The following TCHH variants were observed in gnomAD, a reference collection of about 807,000 sequenced individuals.
The protein encoded by TCHH is trichohyalin.
In TCHH, 6 loss-of-function variants were observed where a neutral mutation model predicts 6.3. That is an observed-to-expected ratio of 0.95 (90% CI 0.52 to 1.88). The LOEUF is 1.88. Among genes scored for constraint, TCHH ranks in the 40% most tolerant of loss-of-function variants. The probability of loss-of-function intolerance (pLI) is 0.01; values close to 1 mark genes in which losing one functional copy is unlikely to be tolerated. For synonymous variants in TCHH, 1,087 were observed against 963.6 expected, an observed-to-expected ratio of 1.13 and a Z score of -2.37; for missense variants, 2,920 against 2,449.1, an observed-to-expected ratio of 1.19 and a Z score of -4.06.
rs779871023 is a variant in TCHH at position 152,112,636 on chromosome 1, T to C, written c.581A>G (p.Gln194Arg). The change falls in exon 3 of 3, where the codon CAG (glutamine) becomes CGG (arginine). Residue 194 changes from glutamine (Q) to arginine (R), a missense_variant. Coordinates refer to ENST00000614923, the MANE Select transcript of TCHH (RefSeq NM_007113.4). The stretch of plus-strand genomic sequence containing the variant: ...CTCAGTTTCGTGACCTTTGCAACTC[T>C]GCAGCTGCTCTTCCTCTGCACGGCG... Reference protein sequence around the residue: ...EERRAEEEQLQSCKGHETEEF... With the variant: ...EERRAEEEQLRSCKGHETEEF... 9.3e-6 allele frequency: 15 copies of C among 1,613,710 alleles called. No individual in the cohort carries two copies. The highest frequency in any genetic ancestry group is 1.3e-5 in the African/African-American group (1 of 74,852).
chr1:152,113,235 A>C (rs955506586), intron 2 of TCHH, among the ~76,000 whole-genome samples, 157 bp from the exon 3 acceptor site: 1 of 152,216 alleles, frequency 6.6e-6, no homozygotes. Flanking sequence ...TCCCCATGTA[A>C]AATGTGAACC....
Position 152,110,590 on chromosome 1 carries a change from C to T in TCHH, c.2627G>A (p.Trp876Ter), listed in dbSNP as rs1227706537. The T allele has an allele frequency of 6.2e-7, 1 of 1,614,044 alleles. No individual in the cohort carries two copies. Among genetic ancestry groups the T allele is most frequent in the East Asian group, 2.2e-5 (1 of 44,888 alleles). ...TCTCTTCCTTTCTTCTTCTAGTTGC[C>T]ACCTCCATTTTTGGTCGCGGCGCTG... ...QEQRRDQKWR[W>*]QLEEERKRRR... The change falls in exon 3 of 3, where the codon TGG becomes TAG. Residue 876 changes from tryptophan (W) to a stop codon, truncating the protein, a stop_gained. Coordinates refer to ENST00000614923, the MANE Select transcript of TCHH (RefSeq NM_007113.4). LOFTEE classifies it low-confidence loss of function (END_TRUNC).
Position 152,109,407 on chromosome 1 carries a change from C to T in TCHH, c.3810G>A (p.Leu1270=). 1.2e-6 allele frequency: 2 copies of T among 1,614,220 alleles called. No individual in the cohort carries two copies. The highest frequency in any genetic ancestry group is 1.7e-6 in the Non-Finnish European group (2 of 1,180,000). The change falls in exon 3 of 3, where the codon CTG becomes CTA. Residue 1270 remains leucine, a synonymous_variant. Coordinates refer to ENST00000614923, the MANE Select transcript of TCHH (RefSeq NM_007113.4). Reference sequence around the variant, plus strand: ...GATCTCGCTCTTGCTGTTCACCCAGCAGGTGCTGCAGATCTTGCTGGGATT... The same window carrying T: ...GATCTCGCTCTTGCTGTTCACCCAGTAGGTGCTGCAGATCTTGCTGGGATT... ...DRQSQQDLQH[L]LGEQQERDRE...
chr1:152,110,477 G>C lies in TCHH; in HGVS notation c.2740C>G (p.Gln914Glu), dbSNP rs1215993276. Reference sequence around the variant, plus strand: ...CTTCTCTTCTCGCGCTCCTCTCTCTGTAGCTCCTCCTCCTCCTCCTGCAGC... The same window carrying C: ...CTTCTCTTCTCGCGCTCCTCTCTCTCTAGCTCCTCCTCCTCCTCCTGCAGC... ...QLLQEEEEELQREEREKRRRQ... is the reference protein window; with the variant it reads ...QLLQEEEEELEREEREKRRRQ... The change falls in exon 3 of 3, where the codon CAG (glutamine) becomes GAG (glutamate). Residue 914 changes from glutamine (Q) to glutamate (E), a missense_variant. By Grantham distance (29) the Gln-to-Glu change is conservative. Coordinates refer to ENST00000614923, the MANE Select transcript of TCHH (RefSeq NM_007113.4). 21 of 1,614,042 alleles carry C rather than the reference G, an allele frequency of 1.3e-5. No individual in the cohort carries two copies. The highest frequency in any genetic ancestry group is 3.3e-4 in the Middle Eastern group (2 of 6,062).
At position 152,107,570 on chromosome 1, in the gene TCHH, CTTCCCGTAATTTCCT is replaced by C; in HGVS notation, c.5632_5646del (p.Arg1878_Glu1882del). On this transcript the variant is annotated inframe_deletion, in exon 3 of 3. Transcript: ENST00000614923. ...TCCTTCTGCTGGCGGCGGATGTGTT[CTTCCCGTAATTTCCT>C]TTCCCGTTCCTGGCGACGTTTCTGC... The C allele has an allele frequency of 6.2e-7, 1 of 1,614,052 alleles. No homozygotes were observed. Among genetic ancestry groups the C allele is most frequent in the Non-Finnish European group, 8.5e-7 (1 of 1,179,992 alleles).
rs1298090051 is a variant in TCHH at position 152,110,147 on chromosome 1, C to CT, written c.3069dup (p.Asp1024ArgfsTer194). On this transcript the variant is annotated frameshift_variant, in exon 3 of 3. Transcript: ENST00000614923. LOFTEE classifies it low-confidence loss of function (END_TRUNC). The stretch of plus-strand genomic sequence containing the variant: ...TGCTCTTCTTCCTGCTGCAGCTCGT[C>CT]TTTTTTGCGGTACTGCCTCTCCCAC... 3 of 1,607,694 alleles carry CT rather than the reference C, an allele frequency of 1.9e-6. No individual in the cohort carries two copies. The highest frequency in any genetic ancestry group is 1.1e-5 in the South Asian group (1 of 90,556).
At position 152,108,350 on chromosome 1, in the gene TCHH, C is replaced by G; in HGVS notation, c.4867G>C (p.Glu1623Gln). Residue 1623 changes from glutamate to glutamine, a missense_variant, in exon 3 of 3, where the codon GAA (glutamate) becomes CAA (glutamine). Physicochemically the swap from Glu to Gln is conservative, Grantham distance 29. Transcript: ENST00000614923. ...CTTTCCTGGAGCAGCTGTTCGTCTTCGCGGAATTTTCTGTCGCGCTCCTGG... is the reference window on the plus strand; with the variant it reads ...CTTTCCTGGAGCAGCTGTTCGTCTTGGCGGAATTTTCTGTCGCGCTCCTGG... Reference protein sequence around the residue: ...LRQERDRKFREDEQLLQEREE... With the variant: ...LRQERDRKFRQDEQLLQEREE... 1 of 1,606,592 alleles carries G rather than the reference C, an allele frequency of 6.2e-7. No individual in the cohort carries two copies. Among genetic ancestry groups the G allele is most frequent in the East Asian group, 2.3e-5 (1 of 44,334 alleles).
rs1658164493 is a variant in TCHH at position 152,107,989 on chromosome 1, T to C, written c.5228A>G (p.Gln1743Arg). The change falls in exon 3 of 3, where the codon CAA becomes CGA. Residue 1743 changes from glutamine to arginine, a missense_variant. By Grantham distance (43) the Gln-to-Arg change is conservative. Transcript: ENST00000614923. ...CTCTAGGATTTTTCTGTAGCGTTCT[T>C]GGCGGCGCAGCTGCTCTTGCTCCGT... is the stretch of plus-strand genomic sequence containing the variant. ...QETEQEQLRR[Q>R]ERYRKILEEE... is the part of the protein sequence containing the mutation. The C allele has an allele frequency of 5.6e-6, 9 of 1,613,356 alleles. No individual in the cohort carries two copies. The highest frequency in any genetic ancestry group is 1.7e-5 in the Admixed American group (1 of 59,950).
chr1:152,109,495 T>G lies in TCHH; in HGVS notation c.3722A>C (p.Tyr1241Ser). 1.2e-6 allele frequency: 2 copies of G among 1,614,284 alleles called. No homozygotes were observed. Among genetic ancestry groups the G allele is most frequent in the Non-Finnish European group, 1.7e-6 (2 of 1,180,056 alleles). Residue 1241 changes from tyrosine to serine, a missense_variant, in exon 3 of 3, where the codon TAC (tyrosine) becomes TCC (serine). Transcript: ENST00000614923. ...KENAVRDNKVYCKGRENEQFR... is the reference protein window; with the variant it reads ...KENAVRDNKVSCKGRENEQFR... ...CTGTTCATTCTCTCTGCCTTTGCAGTAAACCTTGTTATCACGAACTGCATT... is the reference window on the plus strand; with the variant it reads ...CTGTTCATTCTCTCTGCCTTTGCAGGAAACCTTGTTATCACGAACTGCATT...
chr1:152,109,400 C>G lies in TCHH; in HGVS notation c.3817G>C (p.Glu1273Gln). Reference protein sequence around the residue: ...SQQDLQHLLGEQQERDREQER... With the variant: ...SQQDLQHLLGQQQERDREQER... ...TGCTCACGATCTCGCTCTTGCTGTT[C>G]ACCCAGCAGGTGCTGCAGATCTTGC... The change falls in exon 3 of 3, where the codon GAA becomes CAA. Residue 1273 changes from glutamate to glutamine, a missense_variant. By Grantham distance (29) the Glu-to-Gln change is conservative. Coordinates refer to ENST00000614923, the MANE Select transcript of TCHH (RefSeq NM_007113.4). 1 of 1,614,236 alleles carries G rather than the reference C, an allele frequency of 6.2e-7. No homozygotes were observed.
In TCHH at chr1:152,108,794, C is replaced by A. The variant is rs1309520705; in HGVS notation, c.4423G>T (p.Glu1475Ter). Residue 1475 changes from glutamate to a stop codon, truncating the protein, a stop_gained, in exon 3 of 3, where the codon GAA becomes TAA. Transcript: ENST00000614923. LOFTEE classifies it low-confidence loss of function (END_TRUNC). ...CGCTCTTGGCGGTGCAGCTGCTGTT[C>A]TTCCCTTTCCTGGAGCAGCTGTTCC... The part of the protein sequence containing the change: ...EEEQLLQERE[E>*]QQLHRQERDR... The A allele has an allele frequency of 6.2e-7, 1 of 1,613,004 alleles. No homozygotes were observed. Among genetic ancestry groups the A allele is most frequent in the African/African-American group, 1.3e-5 (1 of 74,606 alleles).
rs766815559 is a variant in TCHH at position 152,112,594 on chromosome 1, T to C, written c.623A>G (p.Glu208Gly). The C allele has an allele frequency of 2.5e-6, 4 of 1,613,668 alleles. No individual in the cohort carries two copies. In the Admixed American group the frequency reaches 6.7e-5, roughly 27 times the overall value. Reference protein sequence around the residue: ...GHETEEFPDEEQLRRRELLEL... With the variant: ...GHETEEFPDEGQLRRRELLEL... The stretch of plus-strand genomic sequence containing the variant: ...CAGCAGCTCCCGCCTTCGCAGTTGC[T>C]CTTCGTCTGGAAACTCCTCAGTTTC... Residue 208 changes from glutamate (E) to glycine (G), a missense_variant, in exon 3 of 3, where the codon GAG becomes GGG. Transcript: ENST00000614923.
chr1:152,114,404 G>A (rs568667170), intron 1 of TCHH, among the ~76,000 whole-genome samples: 3 of 152,108 alleles, frequency 2.0e-5, no homozygotes, highest in African/African-American at 7.2e-5. Context: ...GCTCTCCACC[G>A]TATTTCAGAG....
Position 152,109,665 on chromosome 1 carries a change from C to A in TCHH, c.3552G>T (p.Leu1184=). The A allele has an allele frequency of 1.2e-6, 2 of 1,608,718 alleles. No individual in the cohort carries two copies. The highest frequency in any genetic ancestry group is 1.7e-6 in the Non-Finnish European group (2 of 1,177,106). ...GGCGCCTTTTCTCCTGTTCCTCTCT[C>A]AGCAGCTGCTCTTCCTCCTGCTGCA... ...EELQQEEEQL[L]REEQEKRRQE... is the part of the protein sequence containing the mutation. The change falls in exon 3 of 3, where the codon CTG becomes CTT. Residue 1184 remains leucine (L), a synonymous_variant. Transcript: ENST00000614923.
rs199610959 is a variant in TCHH, at chr1:152,111,591, C to A, written c.1626G>T (p.Gln542His). 3.4e-5 allele frequency: 55 copies of A among 1,610,170 alleles called. No homozygotes were observed. The highest frequency in any genetic ancestry group is 4.4e-5 in the Non-Finnish European group (52 of 1,178,406). ...TCAGCAGCTGCTCGCGCCTCTCCTC[C>A]TGCTCGCGTCTTAGTTGTTGCTCGC... The part of the protein sequence containing the change: ...LRSEQQLRRE[Q>H]EERREQLLKR... The change falls in exon 3 of 3, where the codon CAG becomes CAT. Residue 542 changes from glutamine (Q) to histidine (H), a missense_variant. Transcript: ENST00000614923.
At position 152,112,769 on chromosome 1, in the gene TCHH, C is replaced by T. The variant is rs1056547811; in HGVS notation, c.448G>A (p.Glu150Lys). The change falls in exon 3 of 3, where the codon GAG becomes AAG. Residue 150 changes from glutamate (E) to lysine (K), a missense_variant. Coordinates refer to ENST00000614923, the MANE Select transcript of TCHH (RefSeq NM_007113.4). ...TGTTTCTCACTTTGCTCCTCTCCCT[C>T]AGCTAGCTCCCTCTCCTGTTCCTGC... ...KRQEQERELA[E>K]GEEQSEKQER... 1.2e-6 allele frequency: 2 copies of T among 1,614,092 alleles called. No individual in the cohort carries two copies. Among genetic ancestry groups the T allele is most frequent in the Middle Eastern group, 1.6e-4 (1 of 6,062 alleles).
In TCHH at chr1:152,109,643, G is replaced by A. The variant is rs748569258; in HGVS notation, c.3574C>T (p.Arg1192Cys). 5 of 1,610,176 alleles carry A rather than the reference G, an allele frequency of 3.1e-6. No homozygotes were observed. The highest frequency in any genetic ancestry group is 1.3e-5 in the African/African-American group (1 of 74,518). Residue 1192 changes from arginine to cysteine, a missense_variant, in exon 3 of 3, where the codon CGC becomes TGC. Physicochemically the swap from Arg to Cys is radical, Grantham distance 180. Transcript: ENST00000614923. ...CGATACTGCCTCTCCCGCTCCTGGC[G>A]CCTTTTCTCCTGTTCCTCTCTCAGC... ...QLLREEQEKR[R>C]QERERQYREE... is the part of the protein sequence containing the mutation.
At chr1:152,113,798 T>C (rs1658445967) in intron 2 of TCHH, 145 bp downstream of exon 2, 1 of 951,322 alleles carries the variant, frequency 1.1e-6, no homozygotes, top group Non-Finnish European at 1.5e-6. Flanking sequence ...TAAGTACCTT[T>C]TGACTCAGAA....
rs747169372 is a variant in TCHH at position 152,107,485 on chromosome 1, C to T, written c.5732G>A (p.Arg1911Gln). The change falls in exon 3 of 3, where the codon CGG (arginine) becomes CAG (glutamine). Residue 1911 changes from arginine to glutamine, a missense_variant. Arg to Gln is a conservative substitution (Grantham distance 43, BLOSUM62 1). Transcript: ENST00000614923. Reference sequence around the variant, plus strand: ...CTGATGAGTGCCGGGCTCCAGAAGCCGCCCATGGCCCTTCCCTTCTTGGGA... The same window carrying T: ...CTGATGAGTGCCGGGCTCCAGAAGCTGCCCATGGCCCTTCCCTTCTTGGGA... ...IKSQEGKGHGRLLEPGTHQFA... is the reference protein window; with the variant it reads ...IKSQEGKGHGQLLEPGTHQFA... 4 of 1,614,176 alleles carry T rather than the reference C, an allele frequency of 2.5e-6. No individual in the cohort carries two copies. The South Asian group carries it at 4.4e-5, about 18-fold the overall frequency.
Sources: gnomAD v4.1 joint callset for allele counts (sites outside exome capture counted in the v4.1 genomes callset) on GRCh38, gnomAD v4.1.1 for gene constraint, MANE v1.5 for transcripts, NCBI Gene and HGNC (gene_info 2026-07-23, HGNC 2026-07-21) for gene names.